Variants in ANTXR2 observed in about 807,000 individuals in gnomAD.
The protein encoded by ANTXR2 is anthrax toxin receptor 2.
A neutral mutation model predicts 73.7 loss-of-function variants in ANTXR2; 44 were observed. The observed-to-expected ratio is 0.60, with a 90% CI of 0.47 to 0.77. ANTXR2 has a LOEUF of 0.77. Ranked by LOEUF, ANTXR2 falls within the 30% of genes least tolerant of loss-of-function variation. ANTXR2 has a pLI of 0.00. For missense variants in ANTXR2, 604 were observed against 592.5 expected (o/e 1.02, Z -0.20); for synonymous variants, 217 against 205.9 (o/e 1.05, Z -0.46).
At chr4:79,986,726 C>T (rs1366671243) in intron 12 of ANTXR2, among the ~76,000 whole-genome samples, 1 of 152,266 alleles carries the variant, frequency 6.6e-6, no homozygotes, top group East Asian at 1.9e-4. Flanking sequence ...AACCAGAGCA[C>T]TTTTGTCAAC....
chr4:79,927,470 C>G (rs1372910332), intron 16 of ANTXR2, among the ~76,000 whole-genome samples: 2 of 152,116 alleles, frequency 1.3e-5, no homozygotes, highest in African/African-American at 4.8e-5. Context: ...GCTCAAGTCC[C>G]TGATATAAAA....
intron 16 of ANTXR2, among the ~76,000 whole-genome samples, chr4:79,972,939 A>AAAAAAAAAAAG (rs1729482852): frequency 6.9e-6 from 1 of 144,394 alleles, no homozygotes; most frequent in Admixed American, 6.7e-5. Context: ...AAAAAAAAAA[A>AAAAAAAAAAAG]GAATAGGGCG....
At position 79,950,865 on chromosome 4, in the gene ANTXR2, TTC is replaced by T. The variant is rs368889511; in HGVS notation, c.1428+26754_1428+26755del. Among the ~76,000 whole-genome samples the T allele has an allele frequency of 1.9e-4, 29 of 152,186 alleles. No individual in the cohort carries two copies. In the East Asian group the frequency reaches 5.4e-3, roughly 28 times the overall value. ...TGAACTCCATGGAACCAGCCTCAGG[TTC>T]TCTCTCCTCTCCCTCTCTTCTCTGC... On this transcript the variant is annotated intron_variant, in intron 16 of 16. Coordinates refer to ENST00000403729, the MANE Select transcript of ANTXR2 (RefSeq NM_058172.6).
chr4:79,996,489 A>C (rs2110038518), intron 12 of ANTXR2, among the ~76,000 whole-genome samples: 1 of 152,112 alleles, frequency 6.6e-6, no homozygotes, highest in South Asian at 2.1e-4. Context: ...GCCCAATGTC[A>C]CCCACATAAA....
rs749117972 is a variant in ANTXR2 at position 80,008,501 on chromosome 4, T to C, written c.1041+20A>G. 3 of 1,572,644 alleles carry C rather than the reference T, an allele frequency of 1.9e-6. No homozygotes were observed. The highest frequency in any genetic ancestry group is 2.3e-5 in the South Asian group (2 of 87,566). ...CTTTCTAATTTTTTTTAAGTAGAGTTGTAAATCCTTCTTACTCACCACTTT... is the reference window on the plus strand; with the variant it reads ...CTTTCTAATTTTTTTTAAGTAGAGTCGTAAATCCTTCTTACTCACCACTTT... On this transcript the variant is annotated intron_variant, in intron 12 of 16. Transcript: ENST00000403729.
chr4:80,035,266 T>A (rs944536295), intron 8 of ANTXR2, among the ~76,000 whole-genome samples: 2 of 152,150 alleles, frequency 1.3e-5, no homozygotes, highest in Admixed American at 1.3e-4. Flanking sequence ...AACATCTCCA[T>A]ATTCATTCAT....
intron 11 of ANTXR2, among the ~76,000 whole-genome samples, chr4:80,012,729 C>A (rs1397198431): frequency 1.3e-5 from 2 of 152,160 alleles, no homozygotes; most frequent in Non-Finnish European, 2.9e-5. Flanking sequence ...CTTTCAGAGC[C>A]TCCAGGCTTC....
At chr4:79,916,595 A>G (rs11722683) in intron 16 of ANTXR2, among the ~76,000 whole-genome samples, 49,959 of 152,028 alleles carry the variant, frequency 0.33, 10,248 homozygotes, top group Non-Finnish European at 0.45. Context: ...ACAGAAAGCA[A>G]TTTATGAATA....
intron 16 of ANTXR2, among the ~76,000 whole-genome samples, chr4:79,953,165 T>C (rs1728768360): frequency 6.6e-6 from 1 of 152,124 alleles, no homozygotes; most frequent in Non-Finnish European, 1.5e-5. Context: ...ACACTAAGGA[T>C]TTCTCATCAA....
chr4:80,042,829 T>C (rs1733334522), intron 7 of ANTXR2, among the ~76,000 whole-genome samples: 1 of 152,048 alleles, frequency 6.6e-6, no homozygotes, highest in South Asian at 2.1e-4. Context: ...AAGGCCAATT[T>C]CTCTGTTTTT....
intron 16 of ANTXR2, among the ~76,000 whole-genome samples, chr4:79,951,292 G>A (rs565990217): frequency 1.3e-5 from 2 of 152,128 alleles, no homozygotes; most frequent in South Asian, 4.1e-4. Context: ...GAACTGAACA[G>A]GACTCTGCTG....
chr4:80,064,159 T>C (rs1358327230), intron 3 of ANTXR2, among the ~76,000 whole-genome samples: 1 of 152,242 alleles, frequency 6.6e-6, no homozygotes, highest in African/African-American at 2.4e-5. Context: ...TATAATTTCC[T>C]ACAAGTTTGC....
At chr4:79,971,750 C>A (rs1311116970) in intron 16 of ANTXR2, among the ~76,000 whole-genome samples, 100 of 47,392 alleles carry the variant, frequency 2.1e-3, no homozygotes, top group East Asian at 6.3e-3. Context: ...CTTCCTTACA[C>A]TTTATACAAA....
At chr4:80,021,149 CAAAAAAAAAAAA>C (rs35390197) in intron 10 of ANTXR2, among the ~76,000 whole-genome samples, 8 of 60,640 alleles carry the variant, frequency 1.3e-4, no homozygotes, top group Non-Finnish European at 2.0e-4. Context: ...GACTCCATCT[CAAAAAAAAAAAA>C]AAAAAAAAAA....
At chr4:79,930,150 TA>T (rs1387067987) in intron 16 of ANTXR2, among the ~76,000 whole-genome samples, 8 of 152,094 alleles carry the variant, frequency 5.3e-5, no homozygotes, top group Admixed American at 4.6e-4. Context: ...ATAGTTCTTT[TA>T]AAACTATATT....
intron 16 of ANTXR2, among the ~76,000 whole-genome samples, chr4:79,926,522 A>G (rs374564939): frequency 6.6e-6 from 1 of 152,162 alleles, no homozygotes; most frequent in South Asian, 2.1e-4. Context: ...GAAAATGTAA[A>G]AAGATTTGTA....
At chr4:79,944,855 C>T (rs531192421) in intron 16 of ANTXR2, among the ~76,000 whole-genome samples, 8 of 152,180 alleles carry the variant, frequency 5.3e-5, no homozygotes, top group Admixed American at 3.3e-4. Context: ...TACAAAGTGA[C>T]GCCTGCGAAC....
chr4:80,008,871 A>G (rs1731435426), intron 11 of ANTXR2, among the ~76,000 whole-genome samples: 1 of 152,180 alleles, frequency 6.6e-6, no homozygotes, highest in African/African-American at 2.4e-5. Flanking sequence ...GATTCTTTAC[A>G]AATACATCTA....
At chr4:79,937,630 A>C (rs1728321642) in intron 16 of ANTXR2, among the ~76,000 whole-genome samples, 1 of 152,214 alleles carries the variant, frequency 6.6e-6, no homozygotes, top group Non-Finnish European at 1.5e-5. Flanking sequence ...ATGTGTCACT[A>C]ACAAGGTAAC....
Sources: gnomAD v4.1 joint callset for allele counts (sites outside exome capture counted in the v4.1 genomes callset) on GRCh38, gnomAD v4.1.1 for gene constraint, MANE v1.5 for transcripts, NCBI Gene and HGNC (gene_info 2026-07-23, HGNC 2026-07-21) for gene names.